MAST2: variants seen among roughly 807,000 people sequenced by gnomAD.
MAST2 encodes microtubule-associated serine/threonine-protein kinase 2.
A neutral mutation model predicts 147.4 loss-of-function variants in MAST2; 70 were observed. The observed-to-expected ratio is 0.47, with a 90% CI of 0.39 to 0.58. The LOEUF is 0.58. Ranked by LOEUF, MAST2 falls within the 20% of genes least tolerant of loss-of-function variation. The pLI is 0.00. For synonymous variants in MAST2, 869 were observed against 896.8 expected (o/e 0.97, Z 0.55); for missense variants, 2,080 against 2,302.3 (o/e 0.90, Z 1.98).
At chr1:45,947,812 G>A (rs1382317243) in intron 4 of MAST2, among the ~76,000 whole-genome samples, 1 of 152,204 alleles carries the variant, frequency 6.6e-6, no homozygotes, top group African/African-American at 2.4e-5. Context: ...CACCTCCCAG[G>A]TTCATGCTAT....
chr1:46,035,961 C>T lies in MAST2; in HGVS notation c.5292C>T (p.Leu1764=). Residue 1764 remains leucine (L), a synonymous_variant, in exon 29 of 29, where the codon CTC becomes CTT. Coordinates refer to ENST00000361297, the MANE Select transcript of MAST2 (RefSeq NM_015112.3). The surrounding 1 kb of genome is among the most constrained non-coding windows in gnomAD (Gnocchi z 5.5). ...ACGTTCCATGCCGAGGCTGCCCCCT[C>T]ACCCAGAAGTCTGAGCCCAGCCTCA... The part of the protein sequence containing the change: ...RQDVPCRGCP[L]TQKSEPSLRR... 6.2e-7 allele frequency: 1 copy of T among 1,613,998 alleles called. No homozygotes were observed. The highest frequency in any genetic ancestry group is 8.5e-7 in the Non-Finnish European group (1 of 1,180,050).
Position 46,034,753 on chromosome 1 carries a change from T to TC in MAST2, c.4088dup (p.Ser1364IlefsTer46). 2 of 1,613,406 alleles carry TC rather than the reference T, an allele frequency of 1.2e-6. No individual in the cohort carries two copies. Among genetic ancestry groups the TC allele is most frequent in the Non-Finnish European group, 1.7e-6 (2 of 1,179,914 alleles). ...ACCCCCAACAGCTTCACCTCAGCGGTCCCCATCGCCCCTGTCTGGCCATGT... is the reference window on the plus strand; with the variant it reads ...ACCCCCAACAGCTTCACCTCAGCGGTCCCCCATCGCCCCTGTCTGGCCATGT... On this transcript the variant is annotated frameshift_variant, in exon 29 of 29. Transcript: ENST00000361297. LOFTEE classifies it low-confidence loss of function (END_TRUNC).
intron 4 of MAST2, among the ~76,000 whole-genome samples, chr1:45,937,803 A>G (rs1229366298): frequency 1.3e-5 from 2 of 151,370 alleles, no homozygotes; most frequent in South Asian, 2.1e-4. Context: ...TAAGCAATTC[A>G]ACGTAAGCGA....
At chr1:45,919,437 T>C (rs1653089726) in intron 4 of MAST2, among the ~76,000 whole-genome samples, 1 of 152,206 alleles carries the variant, frequency 6.6e-6, no homozygotes, top group South Asian at 2.1e-4. Context: ...CAGTAGGTAT[T>C]TGTTAAGCTT....
Position 46,023,624 on chromosome 1 carries a change from G to T in MAST2, c.1572-148G>T. 1.4e-6 allele frequency: 1 copy of T among 705,216 alleles called. No individual in the cohort carries two copies. The highest frequency in any genetic ancestry group is 2.4e-6 in the Non-Finnish European group (1 of 420,262). 43.7% of individuals were successfully genotyped at this position (705,216 alleles called of 1,614,324 possible). On this transcript the variant is annotated intron_variant, in intron 14 of 28. Transcript: ENST00000361297. This position sits in a 1 kb window ranked among gnomAD's most constrained non-coding sequence, Gnocchi z 4.9. ...AAGTTTAAGAGTTCTATGGACCAGGGGGTCCCAGACCCTTCTCACTGATAT... is the reference window on the plus strand; with the variant it reads ...AAGTTTAAGAGTTCTATGGACCAGGTGGTCCCAGACCCTTCTCACTGATAT...
chr1:45,841,340 AT>A lies in MAST2; in HGVS notation c.468+11766del, dbSNP rs1398110957. ...TTAACAATATGAACAAAATGTATAT[AT>A]TTTTTTCTTTTTATGCCTCGGTACT... On this transcript the variant is annotated intron_variant, in intron 3 of 28. Transcript: ENST00000361297. Among the ~76,000 whole-genome samples the A allele has an allele frequency of 2.0e-5, 3 of 151,756 alleles. No individual in the cohort carries two copies. The East Asian group carries it at 5.8e-4, about 29-fold the overall frequency.
chr1:45,890,832 C>A (rs1647647237), intron 4 of MAST2, among the ~76,000 whole-genome samples: 1 of 152,120 alleles, frequency 6.6e-6, no homozygotes, highest in African/African-American at 2.4e-5. Flanking sequence ...CACAAGAATA[C>A]AAATAGAGGT....
intron 4 of MAST2, among the ~76,000 whole-genome samples, chr1:45,892,269 G>A (rs1647928260): frequency 6.6e-6 from 1 of 152,156 alleles, no homozygotes; most frequent in Non-Finnish European, 1.5e-5. Flanking sequence ...TTAGTTCTGG[G>A]TTAGGGGAGG....
At chr1:45,900,195 A>AAAAAAAAAATT (rs1553226994) in intron 4 of MAST2, among the ~76,000 whole-genome samples, 3 of 93,228 alleles carry the variant, frequency 3.2e-5, no homozygotes, top group East Asian at 6.1e-4. Flanking sequence ...AAAAAAAAAA[A>AAAAAAAAAATT]GATTTACCCT....
chr1:45,870,920 G>A (rs1011942537), intron 3 of MAST2, among the ~76,000 whole-genome samples: 6 of 151,742 alleles, frequency 4.0e-5, no homozygotes, highest in African/African-American at 1.2e-4. Flanking sequence ...CAGCAAGACC[G>A]TGTCTCAAAA....
chr1:45,839,933 A>T (rs779171561), intron 3 of MAST2, among the ~76,000 whole-genome samples: 4 of 152,234 alleles, frequency 2.6e-5, no homozygotes, highest in Non-Finnish European at 5.9e-5. Flanking sequence ...CAAAAATATC[A>T]ACCTCTATAC....
At chr1:45,806,038 C>CT (rs1442800784) in intron 1 of MAST2, among the ~76,000 whole-genome samples, 13 of 152,086 alleles carry the variant, frequency 8.5e-5, no homozygotes, top group Non-Finnish European at 1.0e-4. Flanking sequence ...TGTGGGATTA[C>CT]TTTTTTATTG....
intron 5 of MAST2, among the ~76,000 whole-genome samples, chr1:45,980,549 T>C (rs1010138755): frequency 1.3e-5 from 2 of 152,232 alleles, no homozygotes; most frequent in African/African-American, 2.4e-5. Flanking sequence ...TGCTTTTGTC[T>C]TTGGAGACAA....
intron 4 of MAST2, among the ~76,000 whole-genome samples, chr1:45,891,897 A>T (rs1482872696): frequency 1.3e-5 from 2 of 152,176 alleles, no homozygotes; most frequent in East Asian, 3.9e-4. Flanking sequence ...AGCCTAAGAA[A>T]TACCACATTT....
intron 5 of MAST2, among the ~76,000 whole-genome samples, chr1:45,989,258 G>T (rs1644767372): frequency 1.3e-5 from 2 of 152,158 alleles, no homozygotes; most frequent in East Asian, 3.9e-4. Flanking sequence ...TGAGAAACCT[G>T]GGTCCCATCA....
intron 4 of MAST2, among the ~76,000 whole-genome samples, chr1:45,952,028 A>G (rs1659000514): frequency 6.6e-6 from 1 of 152,250 alleles, no homozygotes; most frequent in South Asian, 2.1e-4. Context: ...AGAATATCTT[A>G]AAGAACCCTC....
At chr1:45,843,822 G>C (rs763553410) in intron 3 of MAST2, among the ~76,000 whole-genome samples, 12 of 152,092 alleles carry the variant, frequency 7.9e-5, no homozygotes, top group Non-Finnish European at 1.6e-4. Flanking sequence ...GTAATGTTAA[G>C]AGGTTTTAAA....
chr1:45,843,221 G>A (rs1461967437), intron 3 of MAST2, among the ~76,000 whole-genome samples: 1 of 151,866 alleles, frequency 6.6e-6, no homozygotes, highest in Non-Finnish European at 1.5e-5. Flanking sequence ...CCTGTTCTGT[G>A]TGTTGTCTTT....
chr1:45,807,053 G>T (rs1248253690), intron 1 of MAST2, among the ~76,000 whole-genome samples: 1 of 152,138 alleles, frequency 6.6e-6, no homozygotes, highest in Admixed American at 6.6e-5. Flanking sequence ...AGTTTTCATT[G>T]TGAAATAGTT....
Sources: gnomAD v4.1 joint callset for allele counts (sites outside exome capture counted in the v4.1 genomes callset) on GRCh38, gnomAD v4.1.1 for gene constraint, Gnocchi (gnomAD v3.1) non-coding constraint, MANE v1.5 for transcripts, NCBI Gene and HGNC (gene_info 2026-07-23, HGNC 2026-07-21) for gene names.